Variants in COL9A3 observed in about 807,000 individuals in gnomAD.
COL9A3 encodes the protein collagen alpha-3(IX) chain.
In COL9A3, 82 loss-of-function variants were observed where a neutral mutation model predicts 110.2. The ratio of observed to expected loss-of-function variants is 0.74; its 90% CI spans 0.62 to 0.89. The LOEUF (loss-of-function observed/expected upper bound fraction) is 0.89. COL9A3 is among the 40% of genes least tolerant of loss of function. COL9A3 has a pLI of 0.00. For missense variants in COL9A3, 1,066 were observed against 981.3 expected (o/e 1.09, Z -1.15); for synonymous variants, 494 against 403.8 (o/e 1.22, Z -2.68).
intron 2 of COL9A3, chr20:62,817,924 C>A: frequency 1.9e-6 from 1 of 525,296 alleles, no homozygotes; most frequent in African/African-American, 1.9e-5. Flanking sequence ...GGGGTTCTGG[C>A]CTCTGGCTGA....
At position 62,821,499 on chromosome 20, in the gene COL9A3, C is replaced by G. The variant is rs758643396; in HGVS notation, c.346-8C>G. The G allele has an allele frequency of 6.2e-7, 1 of 1,612,818 alleles. No individual in the cohort carries two copies. Among genetic ancestry groups the G allele is most frequent in the African/African-American group, 1.3e-5 (1 of 74,928 alleles). On this transcript the variant is annotated splice_polypyrimidine_tract_variant and splice_region_variant and intron_variant, in intron 6 of 31. Transcript: ENST00000649368. ...TGGCAGGCTCTGACCCCATGTTTGG[C>G]TTTGCAGGGCAAAGGCCTCCCTGGA... is the stretch of plus-strand genomic sequence containing the variant.
chr20:62,821,568 G>A (rs758597080), intron 7 of COL9A3, 38 bp downstream of exon 7: 27 of 1,612,416 alleles, frequency 1.7e-5, no homozygotes, highest in Middle Eastern at 1.6e-4. Flanking sequence ...GAGCAAGCAC[G>A]CAAGTCCCGA....
At chr20:62,822,963 T>G (rs1406968960) in intron 10 of COL9A3, among the ~76,000 whole-genome samples, 1 of 152,264 alleles carries the variant, frequency 6.6e-6, no homozygotes, top group Non-Finnish European at 1.5e-5. Flanking sequence ...GAGGGCGCCC[T>G]TGGCCACAGA....
Position 62,821,999 on chromosome 20 carries a change from G to A in COL9A3, c.424-112G>A, listed in dbSNP as rs145371634. On this transcript the variant is annotated intron_variant, in intron 8 of 31. Coordinates refer to ENST00000649368, the MANE Select transcript of COL9A3 (RefSeq NM_001853.4). The stretch of plus-strand genomic sequence containing the variant: ...CAGGACGCAGACACCAGCACAGTCC[G>A]TGGGAGTGGGGGCTGGTGGGAGCTG... 47 of 824,872 alleles carry A rather than the reference G, an allele frequency of 5.7e-5. No individual in the cohort carries two copies. The African/African-American group carries it at 6.7e-4, about 12-fold the overall frequency. The allele number at this position is 824,872 out of a possible 1,614,324, so 51.1% of individuals were successfully genotyped here. A position where few individuals can be genotyped will look rare whatever the true frequency, so the allele number is the denominator to read the frequency against.
Position 62,829,456 on chromosome 20 carries a change from GC to G in COL9A3, c.1012del (p.Leu338SerfsTer195). ...PGEKGPNGLP[G>X]LPGRAGSKGE... is the part of the protein sequence containing the mutation. ...TGACCGCAAGCTCTCTCCTGGCAGG[GC>G]CTCCCTGGACGAGCGGGGTCCAAAG... On this transcript the variant is annotated frameshift_variant and splice_region_variant, in exon 20 of 32. Coordinates refer to ENST00000649368, the MANE Select transcript of COL9A3 (RefSeq NM_001853.4). LOFTEE classifies it high-confidence loss of function. 2 of 1,612,528 alleles carry G rather than the reference GC, an allele frequency of 1.2e-6. No homozygotes were observed. The highest frequency in any genetic ancestry group is 2.2e-5 in the East Asian group (1 of 44,860).
chr20:62,829,615 C>G lies in COL9A3; in HGVS notation c.1054-13C>G, dbSNP rs562578001. On this transcript the variant is annotated splice_polypyrimidine_tract_variant and intron_variant, in intron 20 of 31. Transcript: ENST00000649368. ...GGTGTAGGCAGGCACTCACAGCTCT[C>G]CTTCCTCTACAGGGCAGAGCTGGGG... The G allele has an allele frequency of 3.1e-5, 50 of 1,609,740 alleles. No individual in the cohort carries two copies. In the East Asian group the frequency reaches 9.2e-4, roughly 29 times the overall value.
chr20:62,821,892 C>T (rs1358104250), intron 8 of COL9A3, 82 bp downstream of exon 8: 1 of 838,444 alleles, frequency 1.2e-6, no homozygotes, highest in Non-Finnish European at 2.0e-6. Context: ...GGCTCCCTTC[C>T]CCTCTCCCTT....
In COL9A3 at chr20:62,826,231, G is replaced by A; in HGVS notation, c.712G>A (p.Gly238Arg). 1 of 1,559,252 alleles carries A rather than the reference G, an allele frequency of 6.4e-7. No individual in the cohort carries two copies. The highest frequency in any genetic ancestry group is 8.7e-7 in the Non-Finnish European group (1 of 1,152,436). Residue 238 changes from glycine to arginine, a missense_variant, in exon 14 of 32, where the codon GGG (glycine) becomes AGG (arginine). Transcript: ENST00000649368. ...CCCCCGGGGATTACGAGGACTGCCA[G>A]GGCCACTCGGGCCCCCTGGGGACCG... ...QGPRGLRGLP[G>R]PLGPPGDRGP...
chr20:62,830,227 A>C (rs1600802788), intron 22 of COL9A3, 133 bp from the exon 23 acceptor site: 2 of 1,078,120 alleles, frequency 1.9e-6, no homozygotes, highest in African/African-American at 1.6e-5. Flanking sequence ...GTCCCCAGCA[A>C]CCCAGCCAGG....
In COL9A3 at chr20:62,837,168, G is replaced by GCCCCCAGGA. The variant is rs569423970; in HGVS notation, c.1698_1706dup (p.Pro567_Gly569dup). On this transcript the variant is annotated inframe_insertion, in exon 30 of 32. Transcript: ENST00000649368. ...GGCCCGGTCCAGCTGGCCCCCCTGGGCCCCCAGGACCCCCAGGCTCCATTG... is the reference window on the plus strand; with the variant it reads ...GGCCCGGTCCAGCTGGCCCCCCTGGGCCCCCAGGACCCCCAGGACCCCCAGGCTCCATTG... 12 of 1,612,804 alleles carry GCCCCCAGGA rather than the reference G, an allele frequency of 7.4e-6. No individual in the cohort carries two copies. Among genetic ancestry groups the GCCCCCAGGA allele is most frequent in the Admixed American group, 1.7e-5 (1 of 59,990 alleles).
chr20:62,833,949 G>C (rs762173401), intron 26 of COL9A3, among the ~76,000 whole-genome samples: 63 of 151,820 alleles, frequency 4.1e-4, no homozygotes, highest in Non-Finnish European at 6.3e-4. Context: ...ACGCCATCTC[G>C]GCTCACTGCA....
chr20:62,818,231 G>C (rs1443837102), intron 2 of COL9A3, among the ~76,000 whole-genome samples: 1 of 152,198 alleles, frequency 6.6e-6, no homozygotes, highest in Non-Finnish European at 1.5e-5. Context: ...GGGCTGTGGA[G>C]GGCTGCACCA....
chr20:62,819,335 T>G (rs1322979013), intron 4 of COL9A3, 42 bp downstream of exon 4: 1 of 1,570,952 alleles, frequency 6.4e-7, no homozygotes, highest in South Asian at 1.1e-5. Context: ...CACTCCCCGC[T>G]CCGGGTCCCT....
intron 7 of COL9A3, 92 bp from the exon 8 acceptor site, chr20:62,821,665 C>T (rs925926924): frequency 1.3e-6 from 2 of 1,543,560 alleles, no homozygotes; most frequent in African/African-American, 2.7e-5. Context: ...ACTTGGAGCC[C>T]CTCTCCCTTC....
In COL9A3 at chr20:62,833,009, A is replaced by G. The variant is rs1391384111; in HGVS notation, c.1324-11A>G. On this transcript the variant is annotated splice_polypyrimidine_tract_variant and intron_variant, in intron 25 of 31. Transcript: ENST00000649368. ...AACAGCTCTTTTAACTTTGGGGTGTATCGTTTTCAGGGTATTGCAGGTTCC... is the reference window on the plus strand; with the variant it reads ...AACAGCTCTTTTAACTTTGGGGTGTGTCGTTTTCAGGGTATTGCAGGTTCC... The G allele has an allele frequency of 1.2e-6, 2 of 1,613,504 alleles. No homozygotes were observed. Among genetic ancestry groups the G allele is most frequent in the South Asian group, 1.1e-5 (1 of 91,070 alleles).
chr20:62,826,556 G>C (rs894558930), intron 14 of COL9A3, among the ~76,000 whole-genome samples: 1 of 152,214 alleles, frequency 6.6e-6, no homozygotes, highest in Non-Finnish European at 1.5e-5. Context: ...CCACACACAC[G>C]GTCCCAGGCT....
Position 62,828,918 on chromosome 20 carries a change from C to T in COL9A3, c.955-5C>T, listed in dbSNP as rs767904716. 80 of 1,612,330 alleles carry T rather than the reference C, an allele frequency of 5.0e-5. No homozygotes were observed. Among genetic ancestry groups the T allele is most frequent in the Non-Finnish European group, 6.4e-5 (75 of 1,179,888 alleles). ...CCTTCCGCACCCCAATCTCTGTCCT[C>T]ACAGGGAGAGGCTGGTCGCAACGGT... On this transcript the variant is annotated splice_region_variant and splice_polypyrimidine_tract_variant and intron_variant, in intron 18 of 31. Coordinates refer to ENST00000649368, the MANE Select transcript of COL9A3 (RefSeq NM_001853.4).
intron 11 of COL9A3, 65 bp downstream of exon 11, chr20:62,824,566 A>T: frequency 6.7e-7 from 1 of 1,492,512 alleles, no homozygotes. Flanking sequence ...CTGGGCTCCC[A>T]TGGGGCTGTG....
intron 2 of COL9A3, 103 bp from the exon 3 acceptor site, chr20:62,818,415 C>T: frequency 8.9e-7 from 1 of 1,127,236 alleles, no homozygotes; most frequent in South Asian, 1.2e-5. Flanking sequence ...TGGGGCTGGG[C>T]CTCTGGGGCT....
Sources: allele counts gnomAD v4.1 joint callset (sites outside exome capture counted in the v4.1 genomes callset), GRCh38; gene constraint gnomAD v4.1.1; transcripts MANE v1.5; gene names NCBI Gene and HGNC (gene_info 2026-07-23, HGNC 2026-07-21).